ATP2B2: variants seen among roughly 807,000 people sequenced by gnomAD.
The protein encoded by ATP2B2 is ATPase plasma membrane Ca2+ transporting 2, also known as plasma membrane calcium-transporting ATPase 2.
ATP2B2 carries 15 observed loss-of-function variants against 120.0 expected under a neutral mutation model. The observed-to-expected ratio is 0.12, with a 90% confidence interval of 0.08 to 0.19. ATP2B2 has a LOEUF of 0.19. Among genes scored for constraint, ATP2B2 ranks in the 10% least tolerant of loss-of-function variants. ATP2B2 has a pLI of 1.00. For missense variants in ATP2B2, 1,045 were observed against 1,719.8 expected (o/e 0.61, Z 6.94); for synonymous variants, 694 against 700.3 (o/e 0.99, Z 0.14).
chr3:10,580,505 G>T (rs2068364335), intron 2 of ATP2B2, among the ~76,000 whole-genome samples: 1 of 152,146 alleles, frequency 6.6e-6, no homozygotes, highest in Admixed American at 6.5e-5. Context: ...GCTTGGCCTG[G>T]TCCCAACCGA....
At chr3:10,500,756 A>C (rs28488707) in intron 1 of ATP2B2, among the ~76,000 whole-genome samples, 25,929 of 152,132 alleles carry the variant, frequency 0.17, 2,322 homozygotes, top group East Asian at 0.25. Flanking sequence ...GAGACAATAC[A>C]CGTCTGTTGT....
At chr3:10,669,924 C>T (rs2071050631) in intron 1 of ATP2B2, among the ~76,000 whole-genome samples, 2 of 152,124 alleles carry the variant, frequency 1.3e-5, no homozygotes, top group Admixed American at 6.5e-5. Flanking sequence ...TCCCAACAGG[C>T]GGAAGCACTG....
intron 2 of ATP2B2, among the ~76,000 whole-genome samples, chr3:10,597,167 G>A (rs1001934483): frequency 5.9e-5 from 8 of 135,592 alleles, no homozygotes; most frequent in Admixed American, 3.0e-4. Context: ...ACACAGGCAC[G>A]CACACAGGCA....
At position 10,382,197 on chromosome 3, in the gene ATP2B2, A is replaced by AT. The variant is rs58615119; in HGVS notation, c.1001-2914dup. On this transcript the variant is annotated intron_variant, in intron 8 of 22. Transcript: ENST00000360273. ...TGTGCCACTATACCCAGCTAATTAAATTTTTTTTTTTTTTTTTTTGTAGAG... is the reference window on the plus strand; with the variant it reads ...TGTGCCACTATACCCAGCTAATTAAATTTTTTTTTTTTTTTTTTTTGTAGAG... Among the ~76,000 whole-genome samples, 579 of 122,288 alleles carry AT rather than the reference A, an allele frequency of 4.7e-3. 8 individuals are homozygous for AT. Among genetic ancestry groups the AT allele is most frequent in the Non-Finnish European group, 5.8e-3 (358 of 61,674 alleles). The allele number at this position is 122,288 out of a possible 152,430, so 80.2% of individuals were successfully genotyped here. A position where few individuals can be genotyped will look rare whatever the true frequency, so the allele number is the denominator to read the frequency against.
chr3:10,324,171 C>T lies in ATP2B2; in HGVS notation c.*4643G>A, dbSNP rs994386727. On this transcript the variant is annotated 3_prime_UTR_variant, in exon 23 of 23. Transcript: ENST00000360273. The stretch of plus-strand genomic sequence containing the variant: ...ACAGTCACTTCCCAGCCCCGATTGT[C>T]CCAGAGCCCCCCAGAGCCCGGGCAG... 2 of 152,126 alleles carry T rather than the reference C, an allele frequency of 1.3e-5. No individual in the cohort carries two copies. Among genetic ancestry groups the T allele is most frequent in the Non-Finnish European group, 2.9e-5 (2 of 68,034 alleles). 9.4% of individuals were successfully genotyped at this position (152,126 alleles called of 1,614,324 possible). A position where few individuals can be genotyped will look rare whatever the true frequency, so the allele number is the denominator to read the frequency against.
intron 3 of ATP2B2, among the ~76,000 whole-genome samples, chr3:10,408,536 G>A (rs10222649): frequency 0.12 from 18,623 of 152,154 alleles, 3,717 homozygotes; most frequent in African/African-American, 0.42. Context: ...GTGTGAAGCT[G>A]CCTTGGACCA....
At chr3:10,669,763 C>G (rs1303809285) in intron 1 of ATP2B2, among the ~76,000 whole-genome samples, 5 of 152,128 alleles carry the variant, frequency 3.3e-5, no homozygotes, top group African/African-American at 1.2e-4. Context: ...ACCAAATTGT[C>G]ACCCCCACCC....
chr3:10,487,743 C>T (rs555917948), intron 1 of ATP2B2, among the ~76,000 whole-genome samples: 10 of 152,318 alleles, frequency 6.6e-5, no homozygotes, highest in East Asian at 1.9e-4. Context: ...ATGGGAATCA[C>T]GAGCTTGGGC....
chr3:10,447,748 C>A (rs1457327569), intron 2 of ATP2B2, among the ~76,000 whole-genome samples: 1 of 152,166 alleles, frequency 6.6e-6, no homozygotes, highest in Non-Finnish European at 1.5e-5. Context: ...CCAAGCAAAG[C>A]CGATGCCCAT....
At chr3:10,663,529 C>G (rs928825283) in intron 1 of ATP2B2, among the ~76,000 whole-genome samples, 1 of 152,258 alleles carries the variant, frequency 6.6e-6, no homozygotes, top group Non-Finnish European at 1.5e-5. Flanking sequence ...GGGACCCATA[C>G]CCACCAGTCA....
At position 10,375,263 on chromosome 3, in the gene ATP2B2, A is replaced by C. The variant is rs2061350186; in HGVS notation, c.1416+167T>G. 1.3e-5 allele frequency among the ~76,000 whole-genome samples: 2 copies of C among 152,082 alleles called. No homozygotes were observed. The highest frequency in any genetic ancestry group is 4.1e-4 in the South Asian group (2 of 4,820). On this transcript the variant is annotated intron_variant, in intron 11 of 22. Transcript: ENST00000360273. The surrounding 1 kb of genome is among the most constrained non-coding windows in gnomAD (Gnocchi z 4.2). ...TTGCTACAGGCCCCTGGACTCTATG[A>C]AAGCGTCAGAGTTTTGGGGTCCTGC...
chr3:10,367,370 G>C (rs2061093735), intron 12 of ATP2B2, among the ~76,000 whole-genome samples: 1 of 151,890 alleles, frequency 6.6e-6, no homozygotes, highest in African/African-American at 2.4e-5. Flanking sequence ...TTCTGTTTCT[G>C]CAGCGCGGTT....
rs559388468 is a variant in ATP2B2 at position 10,688,088 on chromosome 3, T to C, written c.-460+19827A>G. 9.3e-5 allele frequency among the ~76,000 whole-genome samples: 14 copies of C among 150,238 alleles called. No homozygotes were observed. The East Asian group carries it at 2.5e-3, about 27-fold the overall frequency. ...TGACCCCTATGAGGAAGTTATTAGA[T>C]GTTGTTTCCATTTTCCAGGTGAGAA... On this transcript the variant is annotated intron_variant, in intron 1 of 21. Transcript: ENST00000646379.
intron 6 of ATP2B2, 60 bp from the exon 7 acceptor site, chr3:10,386,572 TGCGCAC>T (rs1421382802): frequency 1.3e-6 from 2 of 1,576,450 alleles, no homozygotes; most frequent in Non-Finnish European, 1.7e-6. Flanking sequence ...CATCTGCCCA[TGCGCAC>T]GCGCACACAC....
rs566457167 is a variant in ATP2B2 at position 10,528,288 on chromosome 3, C to T, written c.-320+5751G>A. ...CTGGCCCAACCCAAGGAAGCTTCCACTGAAACAAGTCACGTGGGGAAATGC... is the reference window on the plus strand; with the variant it reads ...CTGGCCCAACCCAAGGAAGCTTCCATTGAAACAAGTCACGTGGGGAAATGC... On this transcript the variant is annotated intron_variant, in intron 3 of 21. Coordinates refer to the ATP2B2 transcript ENST00000646379. Among the ~76,000 whole-genome samples, 9 of 152,206 alleles carry T rather than the reference C, an allele frequency of 5.9e-5. No individual in the cohort carries two copies. The South Asian group carries it at 1.7e-3, about 28-fold the overall frequency.
At chr3:10,641,901 T>C (rs2070181660) in intron 1 of ATP2B2, among the ~76,000 whole-genome samples, 1 of 151,962 alleles carries the variant, frequency 6.6e-6, no homozygotes, top group South Asian at 2.1e-4. Flanking sequence ...CATTCACCCA[T>C]CCATCCATCA....
chr3:10,504,361 G>A (rs2066517174), intron 1 of ATP2B2, among the ~76,000 whole-genome samples: 1 of 152,172 alleles, frequency 6.6e-6, no homozygotes. Context: ...TCCTCCCAGC[G>A]ATTCGGAGAG....
At chr3:10,468,376 A>G (rs2064843092) in intron 1 of ATP2B2, among the ~76,000 whole-genome samples, 1 of 152,210 alleles carries the variant, frequency 6.6e-6, no homozygotes, top group South Asian at 2.1e-4. Flanking sequence ...GAAGAAGTCA[A>G]GGATGAAATT....
chr3:10,606,246 C>T (rs149260673), intron 2 of ATP2B2, among the ~76,000 whole-genome samples: 1 of 152,296 alleles, frequency 6.6e-6, no homozygotes, highest in Non-Finnish European at 1.5e-5. Flanking sequence ...GATAACGCAG[C>T]TCTCTGAGCC....
Sources: allele counts gnomAD v4.1 joint callset (sites outside exome capture counted in the v4.1 genomes callset), GRCh38; gene constraint gnomAD v4.1.1; non-coding constraint Gnocchi (gnomAD v3.1); transcripts MANE v1.5; gene names NCBI Gene and HGNC (gene_info 2026-07-23, HGNC 2026-07-21).